AEBP2: variants seen among roughly 807,000 people sequenced by gnomAD.
AEBP2 encodes zinc finger protein AEBP2.
AEBP2 carries 10 observed loss-of-function variants against 50.8 expected under a neutral mutation model. The ratio of observed to expected loss-of-function variants is 0.20; its 90% CI spans 0.12 to 0.33. The LOEUF (loss-of-function observed/expected upper bound fraction) is 0.33. Among genes scored for constraint, AEBP2 ranks in the 10% least tolerant of loss-of-function variants. The pLI is 1.00. For synonymous variants in AEBP2, 296 were observed against 261.3 expected, an observed-to-expected ratio of 1.13 and a Z score of -1.28; for missense variants, 570 against 688.0, an observed-to-expected ratio of 0.83 and a Z score of 1.92.
intron 2 of AEBP2, among the ~76,000 whole-genome samples, chr12:19,463,667 A>ATTTTTT (rs34007914): frequency 4.8e-4 from 41 of 84,668 alleles, no homozygotes; most frequent in Admixed American, 6.5e-4. Context: ...TCATACTTGA[A>ATTTTTT]TTTTTTTTTT....
intron 7 of AEBP2, among the ~76,000 whole-genome samples, chr12:19,516,640 C>T (rs1949322663): frequency 6.6e-6 from 1 of 152,112 alleles, no homozygotes; most frequent in South Asian, 2.1e-4. Flanking sequence ...GTGTGTGATT[C>T]CACAAGTCTT....
intron 1 of AEBP2, among the ~76,000 whole-genome samples, chr12:19,455,264 A>G (rs1948247296): frequency 2.0e-5 from 3 of 151,864 alleles, no homozygotes; most frequent in Admixed American, 6.6e-5. Context: ...AGTTGCTGGG[A>G]TTGTAGGCGT....
At chr12:19,468,402 ATTCTG>A (rs756522635) in intron 2 of AEBP2, among the ~76,000 whole-genome samples, 5 of 152,282 alleles carry the variant, frequency 3.3e-5, no homozygotes, top group Admixed American at 2.0e-4. Context: ...CATGTAGATT[ATTCTG>A]TTAACTTGCT....
chr12:19,417,080 C>T (rs538747498), intron 1 of AEBP2, among the ~76,000 whole-genome samples: 12 of 151,972 alleles, frequency 7.9e-5, no homozygotes, highest in African/African-American at 2.9e-4. Context: ...ACCGTGTTAA[C>T]CAGGATGGTC....
At chr12:19,496,476 GT>G (rs1196397725) in intron 4 of AEBP2, among the ~76,000 whole-genome samples, 2 of 152,090 alleles carry the variant, frequency 1.3e-5, no homozygotes, top group Admixed American at 1.3e-4. Flanking sequence ...AATTAGCATG[GT>G]TAACAGCTGC....
In AEBP2 at chr12:19,518,378, C is replaced by CT; in HGVS notation, c.*265dup. ...TACTGTGGGAGACTGAGCAAACACT[C>CT]TTTTGGCAACTTAGTAGAACAGCTT... On this transcript the variant is annotated 3_prime_UTR_variant, in exon 8 of 8. Transcript: ENST00000266508. The CT allele has an allele frequency of 8.1e-7, 1 of 1,227,566 alleles. No individual in the cohort carries two copies. The highest frequency in any genetic ancestry group is 1.0e-6 in the Non-Finnish European group (1 of 983,738). 76.0% of individuals were successfully genotyped at this position (1,227,566 alleles called of 1,614,324 possible). A position where few individuals can be genotyped will look rare whatever the true frequency, so the allele number is the denominator to read the frequency against.
chr12:19,433,015 A>G (rs1185589492), intron 1 of AEBP2, among the ~76,000 whole-genome samples: 1 of 152,172 alleles, frequency 6.6e-6, no homozygotes, highest in East Asian at 1.9e-4. Context: ...TACCTATAGC[A>G]TCACACGTTC....
At chr12:19,404,930 C>CTTTTTT (rs34351225) in intron 1 of AEBP2, among the ~76,000 whole-genome samples, 9 of 95,710 alleles carry the variant, frequency 9.4e-5, no homozygotes, top group South Asian at 3.6e-4. Context: ...CTTGGCTACT[C>CTTTTTT]TTTTTTTTTT....
chr12:19,415,962 G>C (rs1348073464), intron 1 of AEBP2, among the ~76,000 whole-genome samples: 1 of 152,156 alleles, frequency 6.6e-6, no homozygotes, highest in East Asian at 1.9e-4. Context: ...GCCAAGGAGG[G>C]AGGATCACTT....
rs927584732 is a variant in AEBP2, at chr12:19,433,086, T to TA, written c.-17+28881dup. ...TCTCAATTTGTGAAAGACCAGTATT[T>TA]AAAAAAAAAAATTTCTGGGCTGGGC... On this transcript the variant is annotated intron_variant, in intron 1 of 3. Coordinates refer to the AEBP2 transcript ENST00000538425. Among the ~76,000 whole-genome samples the TA allele has an allele frequency of 6.1e-4, 91 of 149,474 alleles. 1 individual carries two copies. Among genetic ancestry groups the TA allele is most frequent in the Admixed American group, 3.2e-3 (48 of 14,994 alleles).
At chr12:19,414,674 C>T (rs11044545) in intron 1 of AEBP2, among the ~76,000 whole-genome samples, 3,413 of 152,184 alleles carry the variant, frequency 0.022, 47 homozygotes, top group East Asian at 0.043. Flanking sequence ...GGGACCAGCA[C>T]AGATAATGTA....
intron 5 of AEBP2, 63 bp downstream of exon 5, chr12:19,500,284 C>T (rs978992235): frequency 1.5e-6 from 2 of 1,327,644 alleles, no homozygotes; most frequent in Non-Finnish European, 2.0e-6. Flanking sequence ...TTTCCACAAT[C>T]ATTTCTAAAT....
In AEBP2 at chr12:19,410,539, C is replaced by T. The variant is rs930900220; in HGVS notation, c.-17+6323C>T. On this transcript the variant is annotated intron_variant, in intron 1 of 3. Coordinates refer to the AEBP2 transcript ENST00000538425. Reference sequence around the variant, plus strand: ...AGCTGAGACAGCCAATTCGAATACCCTGCGCTCTCCCTAGCTTCCTTGTGC... The same window carrying T: ...AGCTGAGACAGCCAATTCGAATACCTTGCGCTCTCCCTAGCTTCCTTGTGC... 2.0e-5 allele frequency among the ~76,000 whole-genome samples: 3 copies of T among 152,156 alleles called. No homozygotes were observed. In the East Asian group the frequency reaches 5.8e-4, roughly 29 times the overall value.
Position 19,473,357 on chromosome 12 carries a change from TA to T in AEBP2, c.987+4del. Reference sequence around the variant, plus strand: ...CACAGTGGAGACAAACCTTTCAAGGTAAGGATGCATGTATATAAAATTTATT... The same window carrying T: ...CACAGTGGAGACAAACCTTTCAAGGTAGGATGCATGTATATAAAATTTATT... On this transcript the variant is annotated splice_donor_region_variant and intron_variant, in intron 3 of 7. Transcript: ENST00000266508. The T allele has an allele frequency of 7.8e-7, 1 of 1,282,436 alleles. No individual in the cohort carries two copies. The highest frequency in any genetic ancestry group is 1.0e-6 in the Non-Finnish European group (1 of 955,106). 79.4% of individuals were successfully genotyped at this position (1,282,436 alleles called of 1,614,324 possible).
At chr12:19,448,205 C>G (rs1048379175) in intron 1 of AEBP2, among the ~76,000 whole-genome samples, 1 of 152,110 alleles carries the variant, frequency 6.6e-6, no homozygotes, top group Admixed American at 6.5e-5. Context: ...CTGTGCCTTG[C>G]CAGAAGTCAT....
At chr12:19,457,156 G>T in intron 1 of AEBP2, 1 of 1,597,754 alleles carries the variant, frequency 6.3e-7, no homozygotes, top group Non-Finnish European at 8.5e-7. Context: ...GCTGTAGGGT[G>T]GCTCAGTGGA....
At position 19,439,677 on chromosome 12, in the gene AEBP2, G is replaced by C. The variant is rs1409260106; in HGVS notation, c.-23G>C. Reference sequence around the variant, plus strand: ...GGGAGGCGGCGGTGGGGAGGAGGAGGAGGAGGAGGAGCAGGCGCCGCCATG... The same window carrying C: ...GGGAGGCGGCGGTGGGGAGGAGGAGCAGGAGGAGGAGCAGGCGCCGCCATG... On this transcript the variant is annotated 5_prime_UTR_variant, in exon 1 of 8. Coordinates refer to ENST00000266508, the MANE Select transcript of AEBP2 (RefSeq NM_153207.5). 5 of 1,516,584 alleles carry C rather than the reference G, an allele frequency of 3.3e-6. No homozygotes were observed. The highest frequency in any genetic ancestry group is 4.4e-6 in the Non-Finnish European group (5 of 1,138,578). 93.9% of individuals were successfully genotyped at this position (1,516,584 alleles called of 1,614,324 possible).
chr12:19,495,599 T>C (rs998873445), intron 4 of AEBP2, among the ~76,000 whole-genome samples: 1 of 151,242 alleles, frequency 6.6e-6, no homozygotes, highest in Non-Finnish European at 1.5e-5. Flanking sequence ...TGGAGTGCAG[T>C]AGTGAGATCA....
chr12:19,512,638 C>T (rs1035638118), intron 6 of AEBP2, among the ~76,000 whole-genome samples, 173 bp downstream of exon 6: 9 of 151,512 alleles, frequency 5.9e-5, no homozygotes, highest in African/African-American at 9.7e-5. Context: ...ATCAGGTTCA[C>T]GTTTTACGCT....
Sources: gnomAD v4.1 joint callset for allele counts (sites outside exome capture counted in the v4.1 genomes callset) on GRCh38, gnomAD v4.1.1 for gene constraint, MANE v1.5 for transcripts, NCBI Gene and HGNC (gene_info 2026-07-23, HGNC 2026-07-21) for gene names.